Variants in SLC20A2 observed in about 807,000 individuals in gnomAD.
The protein encoded by SLC20A2 is sodium-dependent phosphate transporter 2.
Under a neutral mutation model 61.0 loss-of-function variants are expected in SLC20A2, and 30 were observed. The ratio of observed to expected loss-of-function variants is 0.49; its 90% CI spans 0.37 to 0.67. SLC20A2 has a LOEUF of 0.67. Ranked by LOEUF, SLC20A2 falls within the 30% of genes least tolerant of loss-of-function variation. The probability of loss-of-function intolerance (pLI) is 0.00; values close to 1 mark genes in which losing one functional copy is unlikely to be tolerated. For synonymous variants in SLC20A2, 351 were observed against 353.3 expected (o/e 0.99, Z 0.07); for missense variants, 626 against 866.4 (o/e 0.72, Z 3.48).
intron 2 of SLC20A2, among the ~76,000 whole-genome samples, chr8:42,470,272 C>T (rs986426875): frequency 1.3e-5 from 2 of 148,310 alleles, no homozygotes; most frequent in African/African-American, 5.0e-5. Flanking sequence ...TGCTGGAGTG[C>T]AGTGGCACAA....
chr8:42,422,914 A>G (rs1261405703), intron 10 of SLC20A2, among the ~76,000 whole-genome samples: 2 of 152,088 alleles, frequency 1.3e-5, no homozygotes, highest in Non-Finnish European at 2.9e-5. Flanking sequence ...TTTTGTTAGT[A>G]GCCACTTTCC....
At chr8:42,457,724 A>G (rs1384362501) in intron 5 of SLC20A2, among the ~76,000 whole-genome samples, 1 of 152,074 alleles carries the variant, frequency 6.6e-6, no homozygotes, top group Non-Finnish European at 1.5e-5. Context: ...TGACCTTGTG[A>G]TCCACCCACC....
intron 1 of SLC20A2, among the ~76,000 whole-genome samples, chr8:42,489,600 G>A (rs969786739): frequency 6.6e-6 from 1 of 152,178 alleles, no homozygotes; most frequent in Non-Finnish European, 1.5e-5. Flanking sequence ...TGGGTACTTG[G>A]TTGAACTATT....
At chr8:42,465,085 T>C (rs1381875217) in intron 3 of SLC20A2, among the ~76,000 whole-genome samples, 1 of 151,584 alleles carries the variant, frequency 6.6e-6, no homozygotes, top group African/African-American at 2.4e-5. Context: ...TGAGACAGAG[T>C]CTTGCTTTGT....
chr8:42,496,341 G>A lies in SLC20A2; in HGVS notation c.-265+4690C>T, dbSNP rs558488338. Among the ~76,000 whole-genome samples, 8 of 152,230 alleles carry A rather than the reference G, an allele frequency of 5.3e-5. No individual in the cohort carries two copies. The East Asian group carries it at 7.7e-4, about 15-fold the overall frequency. On this transcript the variant is annotated intron_variant, in intron 1 of 10. Transcript: ENST00000520262. ...CTCTCAGCAGCCTGTGTTTTCAACCGGAGACACTTCTGTCAAGCGAAAGCA... is the reference window on the plus strand; with the variant it reads ...CTCTCAGCAGCCTGTGTTTTCAACCAGAGACACTTCTGTCAAGCGAAAGCA...
chr8:42,442,609 G>A (rs1027588013), intron 6 of SLC20A2, among the ~76,000 whole-genome samples: 9 of 152,186 alleles, frequency 5.9e-5, no homozygotes, highest in African/African-American at 9.6e-5. Flanking sequence ...ATAACAAGTC[G>A]TGAAGTCAGG....
At chr8:42,530,374 G>A (rs1443081977) in intron 1 of SLC20A2, among the ~76,000 whole-genome samples, 1 of 152,074 alleles carries the variant, frequency 6.6e-6, no homozygotes, top group African/African-American at 2.4e-5. Flanking sequence ...TACTCAGGTT[G>A]GTATTAAATA....
At chr8:42,470,390 T>A (rs756507074) in intron 2 of SLC20A2, among the ~76,000 whole-genome samples, 11 of 151,784 alleles carry the variant, frequency 7.2e-5, no homozygotes, top group Non-Finnish European at 1.0e-4. Flanking sequence ...GCTAATTTTT[T>A]AGTTTTTTTG....
At chr8:42,505,281 A>G (rs1810603178), upstream of SLC20A2, among the ~76,000 whole-genome samples, 1 of 151,716 alleles carries the variant, frequency 6.6e-6, no homozygotes, top group Non-Finnish European at 1.5e-5. Flanking sequence ...GCTAATTTTT[A>G]TATTTTTTGT....
chr8:42,480,601 C>A (rs1808482916), intron 1 of SLC20A2: 2 of 152,136 alleles, frequency 1.3e-5, no homozygotes, highest in African/African-American at 4.8e-5. Context: ...TATTGGAGCA[C>A]TTGGTAAAAA....
intron 1 of SLC20A2, among the ~76,000 whole-genome samples, chr8:42,515,113 G>A (rs960743388): frequency 6.6e-6 from 1 of 152,202 alleles, no homozygotes; most frequent in Non-Finnish European, 1.5e-5. Flanking sequence ...TATCACATCT[G>A]TTTCACAGCT....
In SLC20A2 at chr8:42,437,003, GC is replaced by G; in HGVS notation, c.1508del (p.Gly503AlafsTer5). On this transcript the variant is annotated frameshift_variant, in exon 8 of 11. Transcript: ENST00000520262. LOFTEE classifies it high-confidence loss of function. The surrounding 1 kb of genome is among the most constrained non-coding windows in gnomAD (Gnocchi z 6.4). ...LTACFGSFAH[G>X]GNDVSNAIGP... ...AAAGCACCCACCTCACGTCATTGCC[GC>G]CGTGAGCAAAGGACCCGAAACAGGC... The G allele has an allele frequency of 6.2e-7, 1 of 1,604,658 alleles. No homozygotes were observed. The highest frequency in any genetic ancestry group is 8.5e-7 in the Non-Finnish European group (1 of 1,174,850).
intron 1 of SLC20A2, among the ~76,000 whole-genome samples, chr8:42,490,995 ACAAACAAG>A (rs1293690265): frequency 6.6e-6 from 1 of 152,248 alleles, no homozygotes; most frequent in African/African-American, 2.4e-5. Flanking sequence ...AAAGATAAAA[ACAAACAAG>A]CAAACAAAAA....
chr8:42,456,548 T>C (rs943618583), intron 5 of SLC20A2, among the ~76,000 whole-genome samples: 3 of 151,852 alleles, frequency 2.0e-5, no homozygotes, highest in Non-Finnish European at 4.4e-5. Flanking sequence ...CTGGCCAACA[T>C]AGCAAAACCC....
upstream of SLC20A2, among the ~76,000 whole-genome samples, chr8:42,506,230 G>A (rs191324402): frequency 1.9e-3 from 283 of 152,318 alleles, no homozygotes; most frequent in African/African-American, 6.6e-3. Flanking sequence ...GTGAACCACT[G>A]TGCCTGGCCC....
At chr8:42,533,247 A>G (rs1232631691) in intron 1 of SLC20A2, among the ~76,000 whole-genome samples, 2 of 152,240 alleles carry the variant, frequency 1.3e-5, no homozygotes, top group East Asian at 1.9e-4. Context: ...TGACTTAGCC[A>G]TAACAGCTGA....
intron 1 of SLC20A2, among the ~76,000 whole-genome samples, chr8:42,482,344 C>G (rs1488633302): frequency 1.3e-5 from 2 of 152,072 alleles, no homozygotes; most frequent in African/African-American, 4.8e-5. Context: ...TTTGAGGACA[C>G]AGCACAAGGA....
intron 1 of SLC20A2, among the ~76,000 whole-genome samples, chr8:42,523,636 C>T (rs1811738782): frequency 6.6e-6 from 1 of 152,212 alleles, no homozygotes; most frequent in African/African-American, 2.4e-5. Context: ...TAAGCACTGT[C>T]CATTCTGCCT....
intron 1 of SLC20A2, among the ~76,000 whole-genome samples, chr8:42,520,076 T>G (rs1462163722): frequency 6.9e-6 from 1 of 144,512 alleles, no homozygotes; most frequent in Non-Finnish European, 1.5e-5. Flanking sequence ...TGTAGTGACA[T>G]GATCTCGGCT....
Sources: gnomAD v4.1 joint callset for allele counts (sites outside exome capture counted in the v4.1 genomes callset) on GRCh38, gnomAD v4.1.1 for gene constraint, Gnocchi (gnomAD v3.1) non-coding constraint, MANE v1.5 for transcripts, NCBI Gene and HGNC (gene_info 2026-07-23, HGNC 2026-07-21) for gene names.